Variants in AKNA observed in about 807,000 individuals in gnomAD.
AKNA encodes the protein AT-hook transcription factor.
Under a neutral mutation model 138.8 loss-of-function variants are expected in AKNA, and 67 were observed. That is an observed-to-expected ratio of 0.48 (90% confidence interval 0.40 to 0.59). The LOEUF (loss-of-function observed/expected upper bound fraction) is 0.59, where lower values mean the gene tolerates loss of function less well. Ranked by LOEUF, AKNA falls within the 20% of genes least tolerant of loss-of-function variation. AKNA has a pLI of 0.00. For missense variants in AKNA, 1,813 were observed against 1,880.4 expected (o/e 0.96, Z 0.66); for synonymous variants, 737 against 754.4 (o/e 0.98, Z 0.38).
At chr9:114,331,743 G>A (rs1285455367), downstream of AKNA, 23 of 1,586,336 alleles carry the variant, frequency 1.4e-5, no homozygotes, top group African/African-American at 4.1e-5. Flanking sequence ...CCACCCCTGG[G>A]CTGGCCCCTA....
At chr9:114,360,138 G>A in intron 9 of AKNA, 76 bp from the exon 10 acceptor site, 1 of 1,590,408 alleles carries the variant, frequency 6.3e-7, no homozygotes, top group Admixed American at 1.7e-5. Flanking sequence ...CCTCCTGCCA[G>A]GCTCGAGCTG....
At position 114,337,012 on chromosome 9, in the gene AKNA, T is replaced by TGGGGGGGGGGGGGGGGG; in HGVS notation, c.*41_*42insCCCCCCCCCCCCCCCCC. 144 of 1,208,168 alleles carry TGGGGGGGGGGGGGGGGG rather than the reference T, an allele frequency of 1.2e-4. No homozygotes were observed. Among genetic ancestry groups the TGGGGGGGGGGGGGGGGG allele is most frequent in the Middle Eastern group, 6.2e-4 (2 of 3,230 alleles). The allele number at this position is 1,208,168 out of a possible 1,614,324, so 74.8% of individuals were successfully genotyped here. ...CCCACTCCTGGCCTGGCAGGCCACC[T>TGGGGGGGGGGGGGGGGG]GCCCACCCACCCACCCATCTGCCTC... On this transcript the variant is annotated 3_prime_UTR_variant, in exon 22 of 22. Coordinates refer to ENST00000374088, the MANE Select transcript of AKNA (RefSeq NM_001317950.2).
At chr9:114,388,046 T>C (rs1834174102), upstream of AKNA, 1 of 267,526 alleles carries the variant, frequency 3.7e-6, no homozygotes, top group South Asian at 2.8e-5. Flanking sequence ...CCTGCCGTGG[T>C]TGAGGCCGCC....
chr9:114,337,388 C>G, intron 21 of AKNA, 82 bp from the exon 22 acceptor site: 5 of 1,324,906 alleles, frequency 3.8e-6, no homozygotes, highest in Non-Finnish European at 4.9e-6. Flanking sequence ...GGGTCAACCC[C>G]CTTCTAAATC....
At chr9:114,370,023 T>A (rs927658290) in intron 4 of AKNA, among the ~76,000 whole-genome samples, 1 of 152,144 alleles carries the variant, frequency 6.6e-6, no homozygotes, top group Non-Finnish European at 1.5e-5. Context: ...CTCATCATGA[T>A]GTTGGGGGGT....
intron 14 of AKNA, among the ~76,000 whole-genome samples, chr9:114,353,304 G>A (rs112657046): frequency 0.019 from 2,826 of 149,674 alleles, 74 homozygotes; most frequent in African/African-American, 0.061. Flanking sequence ...TTGCTCTTTC[G>A]CCCAGGCTGA....
At chr9:114,381,542 C>T in intron 1 of AKNA, 96 bp from the exon 2 acceptor site, 1 of 1,210,284 alleles carries the variant, frequency 8.3e-7, no homozygotes, top group Non-Finnish European at 1.0e-6. Context: ...GGAATTAGCC[C>T]CAGTTCAACT....
chr9:114,330,590 T>C, downstream of AKNA: 1 of 1,612,112 alleles, frequency 6.2e-7, no homozygotes, highest in Non-Finnish European at 8.5e-7. Context: ...AGAGCCCCCA[T>C]TCCAATGCAC....
intron 18 of AKNA, 79 bp downstream of exon 18, chr9:114,345,784 T>C (rs866033557): frequency 2.1e-6 from 3 of 1,413,338 alleles, no homozygotes; most frequent in South Asian, 2.6e-5. Flanking sequence ...ACTGGGTATA[T>C]GGAAAGGGCT....
chr9:114,384,857 G>A (rs531240888), intron 1 of AKNA, among the ~76,000 whole-genome samples: 1 of 152,182 alleles, frequency 6.6e-6, no homozygotes, highest in Non-Finnish European at 1.5e-5. Context: ...AGGATCAACT[G>A]TATTTTATTT....
intron 20 of AKNA, 39 bp downstream of exon 20, chr9:114,341,970 G>A (rs749285151): frequency 1.0e-5 from 16 of 1,566,196 alleles, no homozygotes; most frequent in African/African-American, 1.4e-5. Context: ...AAGGAGAGCT[G>A]AGGGTCTGGC....
intron 2 of AKNA, among the ~76,000 whole-genome samples, chr9:114,379,924 G>C (rs1833517186): frequency 1.3e-5 from 2 of 152,222 alleles, no homozygotes; most frequent in African/African-American, 4.8e-5. Flanking sequence ...GCCAAGGTGA[G>C]AGGCTCACTT....
intron 14 of AKNA, among the ~76,000 whole-genome samples, chr9:114,352,328 C>T (rs536697764): frequency 3.3e-5 from 5 of 152,186 alleles, no homozygotes; most frequent in East Asian, 3.9e-4. Context: ...CCGGGCGTGG[C>T]GGCTCACACC....
At chr9:114,381,655 GTTTT>G (rs1160552279) in intron 1 of AKNA, among the ~76,000 whole-genome samples, 1 of 82,858 alleles carries the variant, frequency 1.2e-5, no homozygotes, top group African/African-American at 4.9e-5. Context: ...TCTCTCCAGG[GTTTT>G]TTTTTTTTTT....
At chr9:114,354,901 C>G (rs112850362) in intron 14 of AKNA, among the ~76,000 whole-genome samples, 1,688 of 140,922 alleles carry the variant, frequency 0.012, 26 homozygotes, top group African/African-American at 0.044. Context: ...CAGAGTCTTG[C>G]TCTGTCACCC....
At chr9:114,348,404 A>G (rs1366642927) in intron 15 of AKNA, among the ~76,000 whole-genome samples, 1 of 152,218 alleles carries the variant, frequency 6.6e-6, no homozygotes, top group Non-Finnish European at 1.5e-5. Context: ...TTCCTGTCTT[A>G]TAACCCCTGA....
intron 3 of AKNA, among the ~76,000 whole-genome samples, chr9:114,375,325 C>T (rs919571147): frequency 6.6e-6 from 1 of 151,726 alleles, no homozygotes; most frequent in South Asian, 2.1e-4. Context: ...AGAAGGAGGA[C>T]GGACTAAGAG....
rs760891130 is a variant in AKNA at position 114,342,106 on chromosome 9, G to C, written c.3777C>G (p.Asp1259Glu). Residue 1259 changes from aspartate to glutamate, a missense_variant, in exon 20 of 22, where the codon GAC (aspartate) becomes GAG (glutamate). Asp to Glu is a conservative substitution (Grantham distance 45). Transcript: ENST00000374088. ...TATCAGCGGGAGGCGGTCCCAGTGG[G>C]TCCCCTGTGACAGCACCACCTAGAA... ...TQDAGGAVTG[D>E]PLGPPPADTL... The C allele has an allele frequency of 8.7e-6, 14 of 1,603,212 alleles. No homozygotes were observed. The highest frequency in any genetic ancestry group is 1.0e-5 in the Non-Finnish European group (12 of 1,175,646).
At position 114,368,704 on chromosome 9, in the gene AKNA, T is replaced by C. The variant is rs190174124; in HGVS notation, c.1417-109A>G. ...AACACACATGCCCTGTAGTAATAAA[T>C]ACCATCTTTCAGTGCAGCCCTTGGC... On this transcript the variant is annotated intron_variant, in intron 4 of 21. Coordinates refer to ENST00000374088, the MANE Select transcript of AKNA (RefSeq NM_001317950.2). The C allele has an allele frequency of 1.2e-4, 116 of 984,104 alleles. No individual in the cohort carries two copies. The African/African-American group carries it at 1.7e-3, about 14-fold the overall frequency. 61.0% of individuals were successfully genotyped at this position (984,104 alleles called of 1,614,324 possible).
Sources: allele counts gnomAD v4.1 joint callset (sites outside exome capture counted in the v4.1 genomes callset), GRCh38; gene constraint gnomAD v4.1.1; transcripts MANE v1.5; gene names NCBI Gene and HGNC (gene_info 2026-07-23, HGNC 2026-07-21).